The following L3MBTL4 variants were observed in gnomAD, a reference collection of about 807,000 sequenced individuals.
L3MBTL4 encodes the protein lethal(3)malignant brain tumor-like protein 4.
A neutral mutation model predicts 84.5 loss-of-function variants in L3MBTL4; 70 were observed. The observed-to-expected ratio is 0.83, with a 90% CI of 0.68 to 1.01. The LOEUF (loss-of-function observed/expected upper bound fraction) is 1.01. Ranked by LOEUF, L3MBTL4 falls within the 50% of genes least tolerant of loss-of-function variation. The probability of loss-of-function intolerance (pLI) is 0.00; values close to 1 mark genes in which losing one functional copy is unlikely to be tolerated. For synonymous variants in L3MBTL4, 274 were observed against 259.8 expected (o/e 1.05, Z -0.52); for missense variants, 715 against 754.8 (o/e 0.95, Z 0.62).
At chr18:6,332,648 C>T (rs1025852309) in intron 1 of L3MBTL4, among the ~76,000 whole-genome samples, 2 of 152,090 alleles carry the variant, frequency 1.3e-5, no homozygotes, top group East Asian at 1.9e-4. Flanking sequence ...CTGCAGGGGC[C>T]GCTAAGTAAA....
In L3MBTL4 at chr18:5,958,180, CGAA is replaced by C. The variant is rs1391134027; in HGVS notation, c.1678-1796_1678-1794del. 4.0e-5 allele frequency among the ~76,000 whole-genome samples: 6 copies of C among 148,632 alleles called. 1 individual carries two copies. Among genetic ancestry groups the C allele is most frequent in the African/African-American group, 1.0e-4 (4 of 40,180 alleles). On this transcript the variant is annotated intron_variant, in intron 18 of 18. Transcript: ENST00000317931. ...AAGAACAAGAAGAAGAAGAAGACGA[CGAA>C]GAAGAAGAGGAAGAAAAATCCTGTA...
chr18:6,166,529 C>G (rs1424481720), intron 13 of L3MBTL4, among the ~76,000 whole-genome samples: 1 of 152,182 alleles, frequency 6.6e-6, no homozygotes, highest in Non-Finnish European at 1.5e-5. Flanking sequence ...GAAACTCACT[C>G]AAAACTGCTC....
At chr18:6,161,638 T>C (rs896937277) in intron 13 of L3MBTL4, among the ~76,000 whole-genome samples, 2 of 152,192 alleles carry the variant, frequency 1.3e-5, no homozygotes, top group African/African-American at 4.8e-5. Flanking sequence ...AACCAGCAAG[T>C]TCTAGTGTTG....
intron 1 of L3MBTL4, among the ~76,000 whole-genome samples, chr18:6,345,227 A>AG (rs2052822070): frequency 7.5e-6 from 1 of 133,412 alleles, no homozygotes; most frequent in African/African-American, 3.4e-5. Flanking sequence ...AAAAAAAAAA[A>AG]AAAAAAAAAG....
chr18:6,232,759 A>T (rs1406285020), intron 10 of L3MBTL4, among the ~76,000 whole-genome samples: 2 of 152,114 alleles, frequency 1.3e-5, no homozygotes, highest in Non-Finnish European at 2.9e-5. Context: ...TCAGAAGAAA[A>T]AAAAGTTTAT....
intron 16 of L3MBTL4, among the ~76,000 whole-genome samples, chr18:6,044,260 A>G (rs1036782252): frequency 6.6e-6 from 1 of 152,240 alleles, no homozygotes; most frequent in South Asian, 2.1e-4. Context: ...AAGAACATTA[A>G]TATTGATATA....
chr18:6,412,531 T>TGAA (rs2056011642), intron 1 of L3MBTL4, among the ~76,000 whole-genome samples: 1 of 152,100 alleles, frequency 6.6e-6, no homozygotes, highest in African/African-American at 2.4e-5. Flanking sequence ...CTACGCAGCC[T>TGAA]CCTGGAAGTG....
intron 16 of L3MBTL4, among the ~76,000 whole-genome samples, chr18:6,009,469 G>A (rs559756006): frequency 2.6e-5 from 4 of 152,244 alleles, no homozygotes; most frequent in Admixed American, 6.5e-5. Flanking sequence ...CAAAGTCCAC[G>A]GAGAAGTCAA....
intron 16 of L3MBTL4, among the ~76,000 whole-genome samples, chr18:6,014,406 C>A (rs960449052): frequency 4.6e-5 from 7 of 152,124 alleles, no homozygotes; most frequent in African/African-American, 1.7e-4. Flanking sequence ...ATTATGCAAG[C>A]AACTACAATA....
intron 13 of L3MBTL4, among the ~76,000 whole-genome samples, chr18:6,150,821 C>G (rs2042860557): frequency 6.6e-6 from 1 of 152,162 alleles, no homozygotes; most frequent in African/African-American, 2.4e-5. Flanking sequence ...TCTGCCTGGT[C>G]AAATCAGCAA....
intron 4 of L3MBTL4, among the ~76,000 whole-genome samples, chr18:6,291,737 A>G (rs61157108): frequency 0.19 from 28,759 of 152,184 alleles, 2,858 homozygotes; most frequent in African/African-American, 0.24. Context: ...ACCTGAAACT[A>G]TGAAGCTACT....
intron 15 of L3MBTL4, among the ~76,000 whole-genome samples, chr18:6,087,753 A>G (rs552816955): frequency 6.6e-6 from 1 of 152,354 alleles, no homozygotes; most frequent in South Asian, 2.1e-4. Flanking sequence ...CAAGACTTTA[A>G]AATCAATGGT....
chr18:6,250,547 A>G (rs187316750), intron 5 of L3MBTL4, among the ~76,000 whole-genome samples: 25 of 152,130 alleles, frequency 1.6e-4, no homozygotes, highest in Middle Eastern at 3.4e-3. Flanking sequence ...CAAGATTCCA[A>G]CTGAATGCCC....
intron 16 of L3MBTL4, among the ~76,000 whole-genome samples, chr18:6,019,053 G>A (rs147532473): frequency 6.6e-6 from 1 of 152,278 alleles, no homozygotes; most frequent in African/African-American, 2.4e-5. Flanking sequence ...GGAAACAAAG[G>A]GAGATGCATG....
chr18:6,212,505 C>T (rs754228889), intron 12 of L3MBTL4, among the ~76,000 whole-genome samples: 3 of 152,148 alleles, frequency 2.0e-5, no homozygotes, highest in Non-Finnish European at 2.9e-5. Context: ...ATGCTTTCAG[C>T]TCTCTGAGAA....
intron 16 of L3MBTL4, among the ~76,000 whole-genome samples, chr18:6,011,664 C>T (rs1282740199): frequency 3.9e-5 from 6 of 152,324 alleles, no homozygotes; most frequent in East Asian, 3.9e-4. Flanking sequence ...TCATACCCTT[C>T]GGTGCCTCTC....
intron 13 of L3MBTL4, among the ~76,000 whole-genome samples, chr18:6,163,264 G>GA (rs1398222813): frequency 1.8e-5 from 2 of 109,922 alleles, no homozygotes; most frequent in African/African-American, 7.0e-5. Flanking sequence ...GTGTGTGGGG[G>GA]GGGGGTGGGT....
At position 6,082,771 on chromosome 18, in the gene L3MBTL4, C is replaced by T. The variant is rs138361085; in HGVS notation, c.1374-1820G>A. On this transcript the variant is annotated intron_variant, in intron 15 of 18. Coordinates refer to ENST00000317931, the MANE Select transcript of L3MBTL4 (RefSeq NM_001330559.2). ...TGTTGGGTGCTTTTTAAAAATAATG[C>T]GGAGTTCTTCAATTGATCATGGGTA... Among the ~76,000 whole-genome samples, 582 of 152,066 alleles carry T rather than the reference C, an allele frequency of 3.8e-3. 3 individuals carry two copies. The highest frequency in any genetic ancestry group is 0.013 in the African/African-American group (538 of 41,494).
intron 16 of L3MBTL4, among the ~76,000 whole-genome samples, chr18:5,990,656 T>C (rs73938705): frequency 0.17 from 25,585 of 152,146 alleles, 3,569 homozygotes; most frequent in African/African-American, 0.39. Context: ...ATGTTTCCTC[T>C]ATAAAACATC....
Sources: gnomAD v4.1 joint callset for allele counts (sites outside exome capture counted in the v4.1 genomes callset) on GRCh38, gnomAD v4.1.1 for gene constraint, MANE v1.5 for transcripts, NCBI Gene and HGNC (gene_info 2026-07-23, HGNC 2026-07-21) for gene names.